The following PPP2R2C variants were observed in gnomAD, a reference collection of about 807,000 sequenced individuals.
PPP2R2C encodes the protein protein phosphatase 2 regulatory subunit Bgamma.
In PPP2R2C, 10 loss-of-function variants were observed where a neutral mutation model predicts 45.3. That is an observed-to-expected ratio of 0.22 (90% CI 0.14 to 0.37). PPP2R2C has a LOEUF of 0.37. PPP2R2C is among the 10% of genes least tolerant of loss of function. PPP2R2C has a pLI of 1.00. For missense variants in PPP2R2C, 308 were observed against 619.7 expected, an observed-to-expected ratio of 0.50 and a Z score of 5.34; for synonymous variants, 257 against 245.4, an observed-to-expected ratio of 1.05 and a Z score of -0.44.
chr4:6,461,919 A>T (rs1175573208), intron 1 of PPP2R2C, among the ~76,000 whole-genome samples: 1 of 152,214 alleles, frequency 6.6e-6, no homozygotes, highest in African/African-American at 2.4e-5. Context: ...ACCCACAGGC[A>T]CCAGGCCCAC....
chr4:6,400,069 G>A (rs1717311404), intron 1 of PPP2R2C, among the ~76,000 whole-genome samples: 1 of 152,212 alleles, frequency 6.6e-6, no homozygotes, highest in African/African-American at 2.4e-5. Flanking sequence ...TCTTCATCTT[G>A]AGTTTCACCC....
intron 1 of PPP2R2C, among the ~76,000 whole-genome samples, chr4:6,467,433 C>T (rs1721652292): frequency 6.6e-6 from 1 of 152,112 alleles, no homozygotes; most frequent in Non-Finnish European, 1.5e-5. Context: ...ATTACAGACC[C>T]AGGGTCAGAC....
At chr4:6,344,984 T>C (rs1711704069) in intron 6 of PPP2R2C, among the ~76,000 whole-genome samples, 1 of 152,212 alleles carries the variant, frequency 6.6e-6, no homozygotes, top group African/African-American at 2.4e-5. Context: ...GTTTTCCTAA[T>C]ACTTCAAGGA....
At chr4:6,488,960 G>A (rs1297612654) in intron 2 of PPP2R2C, among the ~76,000 whole-genome samples, 1 of 152,196 alleles carries the variant, frequency 6.6e-6, no homozygotes, top group Non-Finnish European at 1.5e-5. Flanking sequence ...TTGCATGCAT[G>A]TGCTGATCAT....
rs546082155 is a variant in PPP2R2C, at chr4:6,334,056, G to A, written c.791-325C>T. Among the ~76,000 whole-genome samples, 298 of 152,266 alleles carry A rather than the reference G, an allele frequency of 2.0e-3. 2 individuals carry two copies. The highest frequency in any genetic ancestry group is 7.0e-3 in the African/African-American group (289 of 41,548). The stretch of plus-strand genomic sequence containing the variant: ...TATACTTGATGTGCTGCCCTCTACT[G>A]CCCCCTACTGGTGATGCTGAATGCC... On this transcript the variant is annotated intron_variant, in intron 6 of 8. Transcript: ENST00000382599.
At chr4:6,482,551 T>C (rs904541175) in intron 2 of PPP2R2C, among the ~76,000 whole-genome samples, 2 of 152,262 alleles carry the variant, frequency 1.3e-5, no homozygotes, top group African/African-American at 4.8e-5. Flanking sequence ...ATTGGTACTG[T>C]TGTTCAGTAG....
chr4:6,431,996 C>T (rs765458066), intron 1 of PPP2R2C, among the ~76,000 whole-genome samples: 1 of 152,184 alleles, frequency 6.6e-6, no homozygotes, highest in Non-Finnish European at 1.5e-5. Context: ...CTTTATAAAG[C>T]CACTGATCCC....
chr4:6,382,036 A>C, intron 1 of PPP2R2C: 1 of 1,407,286 alleles, frequency 7.1e-7, no homozygotes, highest in South Asian at 1.6e-5. Flanking sequence ...ACAGCTCACC[A>C]ACCTGAAGCC....
At chr4:6,526,587 G>A (rs1008160471) in intron 2 of PPP2R2C, among the ~76,000 whole-genome samples, 1 of 152,176 alleles carries the variant, frequency 6.6e-6, no homozygotes, top group African/African-American at 2.4e-5. Flanking sequence ...CCATGTTGAG[G>A]GCACCCTGAG....
chr4:6,555,134 T>C (rs1449758159), intron 1 of PPP2R2C, among the ~76,000 whole-genome samples: 6 of 152,072 alleles, frequency 3.9e-5, no homozygotes, highest in African/African-American at 1.4e-4. Flanking sequence ...CGTCCTCACA[T>C]GGTAGATATC....
intron 5 of PPP2R2C, chr4:6,348,923 T>C: frequency 2.3e-6 from 2 of 865,140 alleles, no homozygotes; most frequent in Non-Finnish European, 2.8e-6. Context: ...GCAGTATCCC[T>C]GACTGTTACA....
chr4:6,518,971 GA>G (rs1723924083), intron 2 of PPP2R2C, among the ~76,000 whole-genome samples: 1 of 120,930 alleles, frequency 8.3e-6, no homozygotes, highest in South Asian at 2.6e-4. Context: ...AAAGAAAAGA[GA>G]AAAAGAAATG....
intron 1 of PPP2R2C, chr4:6,384,896 G>T (rs73078750): frequency 0.099 from 96,144 of 968,458 alleles, 5,009 homozygotes; most frequent in African/African-American, 0.16. Flanking sequence ...CAGTGCTTCA[G>T]CTGTGTGGTC....
At chr4:6,531,779 A>C (rs1724410690) in intron 2 of PPP2R2C, among the ~76,000 whole-genome samples, 1 of 152,088 alleles carries the variant, frequency 6.6e-6, no homozygotes, top group East Asian at 1.9e-4. Context: ...CTTGCCACTC[A>C]GTCCCCAGCA....
At chr4:6,556,580 A>G in intron 1 of PPP2R2C, among the ~76,000 whole-genome samples, 1 of 152,194 alleles carries the variant, frequency 6.6e-6, no homozygotes, top group East Asian at 1.9e-4. Flanking sequence ...TACAGGGCAC[A>G]AATACCTCAT....
At position 6,332,181 on chromosome 4, in the gene PPP2R2C, G is replaced by A. The variant is rs780206251; in HGVS notation, c.960+1381C>T. The stretch of plus-strand genomic sequence containing the variant: ...ACCTCAGGGATGGAGGTAAGTGACC[G>A]GACAAGGGGCCGGAGGGGGTTGGAA... On this transcript the variant is annotated intron_variant, in intron 7 of 8. Coordinates refer to ENST00000382599, the MANE Select transcript of PPP2R2C (RefSeq NM_020416.4). The surrounding 1 kb of genome is among the most constrained non-coding windows in gnomAD (Gnocchi z 4.9). 5.3e-5 allele frequency among the ~76,000 whole-genome samples: 8 copies of A among 152,178 alleles called. No individual in the cohort carries two copies. Among genetic ancestry groups the A allele is most frequent in the East Asian group, 3.9e-4 (2 of 5,194 alleles).
chr4:6,403,910 G>T (rs183068554), intron 1 of PPP2R2C, among the ~76,000 whole-genome samples: 1 of 151,742 alleles, frequency 6.6e-6, no homozygotes, highest in East Asian at 1.9e-4. Flanking sequence ...GCCTGACAGG[G>T]ATACACTGTG....
At chr4:6,355,403 G>A (rs1029624287) in intron 5 of PPP2R2C, among the ~76,000 whole-genome samples, 2 of 152,090 alleles carry the variant, frequency 1.3e-5, no homozygotes, top group Non-Finnish European at 2.9e-5. Flanking sequence ...AGCATTGGGA[G>A]ATAGACCTAA....
At chr4:6,543,890 T>C (rs556051694) in intron 1 of PPP2R2C, among the ~76,000 whole-genome samples, 66 of 152,336 alleles carry the variant, frequency 4.3e-4, no homozygotes, top group Non-Finnish European at 9.0e-4. Flanking sequence ...TACGTGGGTC[T>C]GCTCTCCGTA....
Sources: allele counts gnomAD v4.1 joint callset (sites outside exome capture counted in the v4.1 genomes callset), GRCh38; gene constraint gnomAD v4.1.1; non-coding constraint Gnocchi (gnomAD v3.1); transcripts MANE v1.5; gene names NCBI Gene and HGNC (gene_info 2026-07-23, HGNC 2026-07-21).